ZNF469: variants seen among roughly 807,000 people sequenced by gnomAD.
The protein encoded by ZNF469 is zinc finger protein 469.
A neutral mutation model predicts 1.0 loss-of-function variants in ZNF469; 1 was observed. That is an observed-to-expected ratio of 1.00 (90% CI 0.35 to 4.73). The LOEUF is 4.73. Ranked by LOEUF, ZNF469 falls within the 30% of genes most tolerant of loss-of-function variation. The pLI, the probability that ZNF469 is intolerant of heterozygous loss-of-function variation, is 0.16. For synonymous variants in ZNF469, 2,703 were observed against 2,363.4 expected, an observed-to-expected ratio of 1.14 and a Z score of -4.17; for missense variants, 6,100 against 5,356.3, an observed-to-expected ratio of 1.14 and a Z score of -4.33.
At chr16:88,388,900 C>T (rs1904409687) in intron 1 of ZNF469, among the ~76,000 whole-genome samples, 1 of 151,906 alleles carries the variant, frequency 6.6e-6, no homozygotes, top group Admixed American at 6.6e-5. Context: ...GTGCCAGGGC[C>T]AGTCTCCATA....
the ZNF469 span, among the ~76,000 whole-genome samples, chr16:88,373,580 C>T: frequency 6.6e-6 from 1 of 152,194 alleles, no homozygotes; most frequent in Non-Finnish European, 1.5e-5. Flanking sequence ...GACCAGACCA[C>T]CCTCAAGAGG....
chr16:88,178,024 T>G, the ZNF469 span: 1 of 152,322 alleles, frequency 6.6e-6, no homozygotes, highest in Non-Finnish European at 1.5e-5. Context: ...CTTGTACTTT[T>G]GAGGCGGTGT....
chr16:88,327,078 G>A, the ZNF469 span, among the ~76,000 whole-genome samples: 1 of 152,238 alleles, frequency 6.6e-6, no homozygotes. Flanking sequence ...AGCATCTGCT[G>A]TGGGACCTCA....
the ZNF469 span, among the ~76,000 whole-genome samples, chr16:88,355,848 A>G: frequency 6.6e-6 from 1 of 152,128 alleles, no homozygotes; most frequent in South Asian, 2.1e-4. Context: ...CCAGGGGAGG[A>G]CCAAGACCAC....
At chr16:88,351,598 C>T in the ZNF469 span, among the ~76,000 whole-genome samples, 6 of 152,102 alleles carry the variant, frequency 3.9e-5, no homozygotes, top group African/African-American at 9.7e-5. Flanking sequence ...ACAAAGGGGC[C>T]GCCGACGCTC....
the ZNF469 span, among the ~76,000 whole-genome samples, chr16:88,120,063 G>A: frequency 6.6e-6 from 1 of 152,230 alleles, no homozygotes; most frequent in Admixed American, 6.5e-5. Flanking sequence ...CGCCTGGGAG[G>A]GTGGAGGCTG....
At chr16:88,278,712 C>T in the ZNF469 span, among the ~76,000 whole-genome samples, 11 of 134,406 alleles carry the variant, frequency 8.2e-5, 1 homozygote, top group South Asian at 7.5e-4. Flanking sequence ...GCGACACTGA[C>T]GCTCAGTCAG....
the ZNF469 span, among the ~76,000 whole-genome samples, chr16:88,152,949 C>A: frequency 6.6e-6 from 1 of 152,224 alleles, no homozygotes; most frequent in Admixed American, 6.5e-5. The surrounding 1 kb of genome is among the most constrained non-coding windows in gnomAD (Gnocchi z 4.2). Flanking sequence ...CTCCACCTCA[C>A]TGGCCGTGAA....
chr16:88,272,319 A>G, the ZNF469 span, among the ~76,000 whole-genome samples: 1 of 125,270 alleles, frequency 8.0e-6, no homozygotes, highest in Non-Finnish European at 1.7e-5. Flanking sequence ...GGATGTATGC[A>G]TGCTGGGTGG....
chr16:88,413,094 C>G (rs978646384), intron 1 of ZNF469, among the ~76,000 whole-genome samples: 2 of 152,136 alleles, frequency 1.3e-5, no homozygotes, highest in African/African-American at 2.4e-5. Context: ...TTGAACAAAT[C>G]TGGGCCATTA....
chr16:88,289,219 A>T, the ZNF469 span, among the ~76,000 whole-genome samples: 1 of 118,742 alleles, frequency 8.4e-6, no homozygotes, highest in Non-Finnish European at 1.7e-5. Context: ...GGTGGTGATG[A>T]TGAGGGTGAT....
chr16:88,145,070 G>C, the ZNF469 span, among the ~76,000 whole-genome samples: 3 of 151,378 alleles, frequency 2.0e-5, no homozygotes, highest in Non-Finnish European at 2.9e-5. Flanking sequence ...GGCTGGTCTC[G>C]AACTCCTGAC....
Position 88,431,736 on chromosome 16 carries a change from C to G in ZNF469, c.4266C>G (p.Ala1422=). ...SSCLCQDGED[A]GSLEPQLPRS... is the part of the protein sequence containing the mutation. Reference sequence around the variant, plus strand: ...GCCTTTGCCAGGACGGCGAGGATGCCGGTTCCCTCGAGCCACAGCTGCCAA... The same window carrying G: ...GCCTTTGCCAGGACGGCGAGGATGCGGGTTCCCTCGAGCCACAGCTGCCAA... The change falls in exon 3 of 3, where the codon GCC becomes GCG. Residue 1422 remains alanine (A), a synonymous_variant. Transcript: ENST00000565624. 1 of 1,550,106 alleles carries G rather than the reference C, an allele frequency of 6.5e-7. No individual in the cohort carries two copies. The highest frequency in any genetic ancestry group is 8.7e-7 in the Non-Finnish European group (1 of 1,146,980).
rs1307761704 is a variant in ZNF469, at chr16:88,424,168, C to T, written c.-191-639C>T. ...GGCAGCAGCCCAGTGTCCATCCAGACAGGTCTGGGTGCTCTGCAGCCTGGA... is the reference window on the plus strand; with the variant it reads ...GGCAGCAGCCCAGTGTCCATCCAGATAGGTCTGGGTGCTCTGCAGCCTGGA... On this transcript the variant is annotated intron_variant, in intron 1 of 2. Transcript: ENST00000565624. The surrounding 1 kb of genome is among the most constrained non-coding windows in gnomAD (Gnocchi z 4.3). Among the ~76,000 whole-genome samples the T allele has an allele frequency of 6.6e-6, 1 of 152,346 alleles. No individual in the cohort carries two copies. Among genetic ancestry groups the T allele is most frequent in the East Asian group, 1.9e-4 (1 of 5,186 alleles).
chr16:88,270,948 G>A, the ZNF469 span, among the ~76,000 whole-genome samples: 1 of 152,200 alleles, frequency 6.6e-6, no homozygotes. Context: ...CCCCCCTCTC[G>A]GGGCTGGCAT....
At chr16:88,295,480 G>C in the ZNF469 span, among the ~76,000 whole-genome samples, 2 of 149,968 alleles carry the variant, frequency 1.3e-5, no homozygotes, top group African/African-American at 4.9e-5. Context: ...ACGTCATCTT[G>C]GGCCCCCAGG....
At chr16:88,181,514 G>C in the ZNF469 span, among the ~76,000 whole-genome samples, 1 of 152,152 alleles carries the variant, frequency 6.6e-6, no homozygotes, top group Non-Finnish European at 1.5e-5. Context: ...GAAATTAATA[G>C]TATGTCTCTT....
chr16:88,211,412 G>A, the ZNF469 span, among the ~76,000 whole-genome samples: 16 of 152,348 alleles, frequency 1.1e-4, no homozygotes, highest in African/African-American at 3.8e-4. Context: ...GACTCTTCAG[G>A]GTGGGTGGTT....
At chr16:88,168,242 G>C in the ZNF469 span, among the ~76,000 whole-genome samples, 2 of 152,190 alleles carry the variant, frequency 1.3e-5, no homozygotes, top group Non-Finnish European at 2.9e-5. This position sits in a 1 kb window ranked among gnomAD's most constrained non-coding sequence, Gnocchi z 4.3. Context: ...TCAGAGTGTG[G>C]GTGTCTGAGG....
Sources: allele counts gnomAD v4.1 joint callset (sites outside exome capture counted in the v4.1 genomes callset), GRCh38; gene constraint gnomAD v4.1.1; non-coding constraint Gnocchi (gnomAD v3.1); transcripts MANE v1.5; gene names NCBI Gene and HGNC (gene_info 2026-07-23, HGNC 2026-07-21).